TMEM132B: variants seen among roughly 807,000 people sequenced by gnomAD.
TMEM132B encodes the protein transmembrane protein 132B.
In TMEM132B, 18 loss-of-function variants were observed where a neutral mutation model predicts 90.8. The ratio of observed to expected loss-of-function variants is 0.20; its 90% CI spans 0.14 to 0.29. The LOEUF (loss-of-function observed/expected upper bound fraction) is 0.29, where lower values mean the gene tolerates loss of function less well. Ranked by LOEUF, TMEM132B falls within the 10% of genes least tolerant of loss-of-function variation. The probability of loss-of-function intolerance (pLI) is 1.00; values close to 1 mark genes in which losing one functional copy is unlikely to be tolerated. For synonymous variants in TMEM132B, 504 were observed against 523.3 expected (o/e 0.96, Z 0.50); for missense variants, 1,096 against 1,326.8 (o/e 0.83, Z 2.70).
chr12:125,243,062 TACACACACATATAC>T (rs1874120133), intron 1 of TMEM132B, among the ~76,000 whole-genome samples: 1 of 142,256 alleles, frequency 7.0e-6, no homozygotes, highest in African/African-American at 2.6e-5. Context: ...CATACATATA[TACACACACATATAC>T]ATATATACAC....
chr12:125,464,355 G>A (rs1233638222), intron 3 of TMEM132B, among the ~76,000 whole-genome samples: 1 of 152,148 alleles, frequency 6.6e-6, no homozygotes. Context: ...TAGCTTTTGG[G>A]TTGGCAATTG....
At chr12:125,326,474 T>G (rs1206675497) in intron 1 of TMEM132B, 10 of 856,556 alleles carry the variant, frequency 1.2e-5, no homozygotes, top group East Asian at 8.1e-5. Flanking sequence ...ATGGAGCACA[T>G]GAGCTCTGAC....
intron 1 of TMEM132B, among the ~76,000 whole-genome samples, chr12:125,348,351 G>A (rs1035960377): frequency 3.9e-5 from 6 of 152,152 alleles, no homozygotes; most frequent in African/African-American, 1.4e-4. Context: ...TCTTGAGACA[G>A]GGTTTTGTTC....
intron 1 of TMEM132B, among the ~76,000 whole-genome samples, chr12:125,248,990 A>G (rs1874261195): frequency 6.6e-6 from 1 of 152,170 alleles, no homozygotes; most frequent in Non-Finnish European, 1.5e-5. Flanking sequence ...GGCAAAGGTC[A>G]GGTCTAGGTG....
At chr12:125,554,107 TG>T (rs1409674180) in intron 4 of TMEM132B, among the ~76,000 whole-genome samples, 2 of 152,194 alleles carry the variant, frequency 1.3e-5, no homozygotes, top group African/African-American at 4.8e-5. Flanking sequence ...AGAATTAAAA[TG>T]TTTTCTTTCT....
intron 3 of TMEM132B, among the ~76,000 whole-genome samples, chr12:125,481,591 C>T (rs527570081): frequency 3.1e-4 from 47 of 152,070 alleles, no homozygotes; most frequent in East Asian, 5.8e-4. Context: ...CACTGCTCAA[C>T]GAAATAAAAG....
At chr12:125,361,754 T>A (rs1877965699) in intron 2 of TMEM132B, among the ~76,000 whole-genome samples, 1 of 152,222 alleles carries the variant, frequency 6.6e-6, no homozygotes, top group Non-Finnish European at 1.5e-5. Flanking sequence ...AAGAACATGG[T>A]GCTTACCCCC....
rs953855791 is a variant in TMEM132B, at chr12:125,246,194, G to A, written c.67+59328G>A. On this transcript the variant is annotated intron_variant, in intron 1 of 8. Coordinates refer to ENST00000682704, the MANE Select transcript of TMEM132B (RefSeq NM_001366854.1). This position sits in a 1 kb window ranked among gnomAD's most constrained non-coding sequence, Gnocchi z 4.2. ...CTCAGTATTGACTGGACTGGAGGTC[G>A]CTCTGTGCCGAGGAGAATGTCAAGC... is the stretch of plus-strand genomic sequence containing the variant. Among the ~76,000 whole-genome samples the A allele has an allele frequency of 3.3e-5, 5 of 152,162 alleles. No homozygotes were observed. Among genetic ancestry groups the A allele is most frequent in the African/African-American group, 9.7e-5 (4 of 41,442 alleles).
At chr12:125,468,735 A>T (rs1881635906) in intron 3 of TMEM132B, among the ~76,000 whole-genome samples, 1 of 152,190 alleles carries the variant, frequency 6.6e-6, no homozygotes, top group Non-Finnish European at 1.5e-5. Context: ...TGAACATGGG[A>T]TGTCTTTCCA....
chr12:125,369,421 A>G (rs1878227981), intron 2 of TMEM132B, among the ~76,000 whole-genome samples: 1 of 152,222 alleles, frequency 6.6e-6, no homozygotes, highest in Non-Finnish European at 1.5e-5. Context: ...GGTAGGAAAT[A>G]CAAATTTAGG....
At position 125,519,453 on chromosome 12, in the gene TMEM132B, T is replaced by G. The variant is rs1338913490; in HGVS notation, c.1121T>G (p.Phe374Cys). 1.2e-6 allele frequency: 2 copies of G among 1,612,028 alleles called. No individual in the cohort carries two copies. Among genetic ancestry groups the G allele is most frequent in the East Asian group, 4.5e-5 (2 of 44,836 alleles). The change falls in exon 4 of 9, where the codon TTC becomes TGC. Residue 374 changes from phenylalanine (F) to cysteine (C), a missense_variant. By Grantham distance (205) the Phe-to-Cys change is radical. Transcript: ENST00000682704. ...TTGTTTTCCAGGGTAAATGGATCCT[T>G]CTATGAGATCTTGCAAGTGGACTTT... The part of the protein sequence containing the change: ...PDTQSRVNGS[F>C]YEILQVDFGI...
intron 1 of TMEM132B, among the ~76,000 whole-genome samples, chr12:125,201,634 C>A (rs1364793100): frequency 1.3e-5 from 2 of 152,252 alleles, no homozygotes; most frequent in African/African-American, 4.8e-5. Context: ...AGCTCCACCA[C>A]TGGCTAGCTC....
intron 5 of TMEM132B, among the ~76,000 whole-genome samples, chr12:125,634,579 G>A (rs1166741818): frequency 1.3e-5 from 2 of 152,238 alleles, no homozygotes; most frequent in African/African-American, 2.4e-5. Context: ...GGCCCTTGAT[G>A]TAGTACCAGG....
chr12:125,284,503 A>C (rs1875292556), intron 1 of TMEM132B, among the ~76,000 whole-genome samples: 1 of 151,986 alleles, frequency 6.6e-6, no homozygotes, highest in African/African-American at 2.4e-5. Context: ...CTCCCTTCTT[A>C]TACCCCCAGT....
In TMEM132B at chr12:125,654,977, A is replaced by G; in HGVS notation, c.*267A>G. 1 of 417,014 alleles carries G rather than the reference A, an allele frequency of 2.4e-6. No individual in the cohort carries two copies. The allele number at this position is 417,014 out of a possible 1,614,324, so 25.8% of individuals were successfully genotyped here. A position where few individuals can be genotyped will look rare whatever the true frequency, so the allele number is the denominator to read the frequency against. On this transcript the variant is annotated 3_prime_UTR_variant, in exon 9 of 9. Coordinates refer to ENST00000682704, the MANE Select transcript of TMEM132B (RefSeq NM_001366854.1). This position sits in a 1 kb window ranked among gnomAD's most constrained non-coding sequence, Gnocchi z 5.8. ...ACTGCCTGGTACGAGCTCAGTGCAAATGTATTAAACCTGACCCCACAGACA... is the reference window on the plus strand; with the variant it reads ...ACTGCCTGGTACGAGCTCAGTGCAAGTGTATTAAACCTGACCCCACAGACA...
In TMEM132B at chr12:125,407,442, C is replaced by T. The variant is rs550116440; in HGVS notation, c.960-8089C>T. ...CTCACAGAGCAGGTTTCCTTTTGCC[C>T]AGCTAGGTGGTGGATGCTATGGGCT... On this transcript the variant is annotated intron_variant, in intron 2 of 8. Transcript: ENST00000682704. This position sits in a 1 kb window ranked among gnomAD's most constrained non-coding sequence, Gnocchi z 6.7. Among the ~76,000 whole-genome samples the T allele has an allele frequency of 2.0e-5, 3 of 152,310 alleles. No homozygotes were observed. The highest frequency in any genetic ancestry group is 7.2e-5 in the African/African-American group (3 of 41,576).
chr12:125,504,549 T>C (rs1353790496), intron 3 of TMEM132B, among the ~76,000 whole-genome samples: 1 of 152,176 alleles, frequency 6.6e-6, no homozygotes, highest in African/African-American at 2.4e-5. Context: ...TGTTACTGAA[T>C]CTGTTGTAAT....
chr12:125,597,629 A>G (rs1342582851), intron 5 of TMEM132B, among the ~76,000 whole-genome samples: 2 of 152,136 alleles, frequency 1.3e-5, no homozygotes, highest in African/African-American at 4.8e-5. Context: ...TAAAGAAATC[A>G]CTCAATGAGA....
At chr12:125,426,824 T>G (rs1160737692) in intron 3 of TMEM132B, among the ~76,000 whole-genome samples, 1 of 152,216 alleles carries the variant, frequency 6.6e-6, no homozygotes, top group East Asian at 1.9e-4. Flanking sequence ...GAAACCCTAG[T>G]GCAAGAGTCA....
Sources: gnomAD v4.1 joint callset for allele counts (sites outside exome capture counted in the v4.1 genomes callset) on GRCh38, gnomAD v4.1.1 for gene constraint, Gnocchi (gnomAD v3.1) non-coding constraint, MANE v1.5 for transcripts, NCBI Gene and HGNC (gene_info 2026-07-23, HGNC 2026-07-21) for gene names.